FRMD4A: variants seen among roughly 807,000 people sequenced by gnomAD.
FRMD4A encodes FERM domain-containing protein 4A.
Under a neutral mutation model 129.1 loss-of-function variants are expected in FRMD4A, and 29 were observed. The ratio of observed to expected loss-of-function variants is 0.22; its 90% CI spans 0.17 to 0.31. The LOEUF is 0.31. Among genes scored for constraint, FRMD4A ranks in the 10% least tolerant of loss-of-function variants. FRMD4A has a pLI of 1.00. For synonymous variants in FRMD4A, 634 were observed against 571.6 expected (o/e 1.11, Z -1.56); for missense variants, 1,272 against 1,375.8 (o/e 0.92, Z 1.19).
chr10:14,064,401 A>G (rs1453739697), intron 2 of FRMD4A, among the ~76,000 whole-genome samples: 2 of 152,162 alleles, frequency 1.3e-5, no homozygotes, highest in African/African-American at 4.8e-5. Context: ...TGTGAAAACT[A>G]CCATCAAATT....
At position 14,227,899 on chromosome 10, in the gene FRMD4A, G is replaced by T. The variant is rs549389020; in HGVS notation, c.45+102159C>A. Among the ~76,000 whole-genome samples, 7 of 151,886 alleles carry T rather than the reference G, an allele frequency of 4.6e-5. No individual in the cohort carries two copies. In the East Asian group the frequency reaches 9.7e-4, roughly 21 times the overall value. The stretch of plus-strand genomic sequence containing the variant: ...CCAGAATTTTTTTTTTCTTTTAACG[G>T]AGTCTTGCTCTGTCACCAGGCTGGA... On this transcript the variant is annotated intron_variant, in intron 2 of 24. Coordinates refer to ENST00000357447, the MANE Select transcript of FRMD4A (RefSeq NM_018027.5).
chr10:13,928,124 A>T (rs955116577), intron 2 of FRMD4A, among the ~76,000 whole-genome samples: 2 of 150,776 alleles, frequency 1.3e-5, no homozygotes, highest in African/African-American at 4.9e-5. Context: ...AGGCTCAAGC[A>T]ATCCTCCTAC....
chr10:13,951,145 C>T (rs1377178554), intron 2 of FRMD4A, among the ~76,000 whole-genome samples: 1 of 152,116 alleles, frequency 6.6e-6, no homozygotes, highest in African/African-American at 2.4e-5. Context: ...GCTACAGAAA[C>T]ATTGAGGCAG....
At position 13,990,172 on chromosome 10, in the gene FRMD4A, G is replaced by C. The variant is rs1430124640; in HGVS notation, c.46-131260C>G. On this transcript the variant is annotated intron_variant, in intron 2 of 24. Transcript: ENST00000357447. ...TTAGGAATAAGAGCCAACCTCAAAGGGCTGCTCTGAGGATCAGAGGAGAAA... is the reference window on the plus strand; with the variant it reads ...TTAGGAATAAGAGCCAACCTCAAAGCGCTGCTCTGAGGATCAGAGGAGAAA... Among the ~76,000 whole-genome samples, 9 of 152,290 alleles carry C rather than the reference G, an allele frequency of 5.9e-5. No individual in the cohort carries two copies. In the South Asian group the frequency reaches 6.2e-4, roughly 11 times the overall value.
intron 3 of FRMD4A, 120 bp from the exon 4 acceptor site, chr10:13,811,028 G>T: frequency 1.7e-6 from 1 of 576,112 alleles, no homozygotes. Context: ...GTATTTTGAA[G>T]CAAATGATTT....
chr10:14,170,947 C>T (rs1265934214), intron 2 of FRMD4A, among the ~76,000 whole-genome samples: 1 of 152,032 alleles, frequency 6.6e-6, no homozygotes, highest in African/African-American at 2.4e-5. Flanking sequence ...TTTCATGTGG[C>T]CTTACCAAAG....
chr10:13,752,144 C>T (rs1027168950), intron 8 of FRMD4A, among the ~76,000 whole-genome samples: 8 of 152,192 alleles, frequency 5.3e-5, no homozygotes, highest in African/African-American at 9.7e-5. Flanking sequence ...AAAAACTCTC[C>T]GGCAGTTATT....
intron 12 of FRMD4A, chr10:13,712,112 C>T (rs958326476): frequency 5.9e-5 from 9 of 152,264 alleles, no homozygotes; most frequent in African/African-American, 2.2e-4. Context: ...TTCCTTCTAT[C>T]CTTGGAGTCC....
intron 2 of FRMD4A, among the ~76,000 whole-genome samples, chr10:14,212,094 C>G (rs955455429): frequency 6.6e-6 from 1 of 152,120 alleles, no homozygotes; most frequent in African/African-American, 2.4e-5. Context: ...CCCAGGGTAG[C>G]TCCAAATTGC....
chr10:13,901,121 G>C (rs1490879014), intron 2 of FRMD4A, among the ~76,000 whole-genome samples: 5 of 152,330 alleles, frequency 3.3e-5, no homozygotes, highest in Admixed American at 6.5e-5. Context: ...GCCACTGCCA[G>C]TTACCAAACT....
intron 2 of FRMD4A, among the ~76,000 whole-genome samples, chr10:13,978,898 A>G (rs1360279107): frequency 1.3e-5 from 2 of 152,300 alleles, no homozygotes; most frequent in African/African-American, 4.8e-5. Flanking sequence ...TATGCTTAGA[A>G]ATATTCCCCT....
chr10:14,008,812 G>T (rs889507104), intron 2 of FRMD4A, among the ~76,000 whole-genome samples: 1 of 152,056 alleles, frequency 6.6e-6, no homozygotes, highest in African/African-American at 2.4e-5. Flanking sequence ...TCAGACATGC[G>T]TATCTGTTTA....
At chr10:14,134,739 G>C (rs888986815) in intron 2 of FRMD4A, among the ~76,000 whole-genome samples, 2 of 152,134 alleles carry the variant, frequency 1.3e-5, no homozygotes, top group African/African-American at 4.8e-5. Flanking sequence ...AAGTGGATGG[G>C]TGAGTGGATG....
intron 2 of FRMD4A, among the ~76,000 whole-genome samples, chr10:14,046,913 G>C (rs1381242857): frequency 6.6e-6 from 1 of 152,038 alleles, no homozygotes; most frequent in African/African-American, 2.4e-5. Flanking sequence ...GTCCCTCCTA[G>C]GGCTGGTCGC....
At chr10:13,676,194 C>G (rs370946460) in intron 15 of FRMD4A, among the ~76,000 whole-genome samples, 4 of 152,156 alleles carry the variant, frequency 2.6e-5, no homozygotes, top group African/African-American at 9.6e-5. Flanking sequence ...TGTACTTTTT[C>G]TACCTTGATG....
At chr10:13,700,294 C>A (rs978210673) in intron 14 of FRMD4A, among the ~76,000 whole-genome samples, 2 of 151,180 alleles carry the variant, frequency 1.3e-5, no homozygotes, top group South Asian at 4.2e-4. Flanking sequence ...ACCCCCAATT[C>A]GCTCACTCTC....
chr10:14,084,391 C>T (rs995238654), intron 2 of FRMD4A, among the ~76,000 whole-genome samples: 7 of 152,230 alleles, frequency 4.6e-5, no homozygotes, highest in Non-Finnish European at 7.3e-5. Flanking sequence ...AAGTGATCCG[C>T]CTGCCTTGGC....
At chr10:14,191,068 G>C (rs1842302410) in intron 2 of FRMD4A, among the ~76,000 whole-genome samples, 1 of 152,150 alleles carries the variant, frequency 6.6e-6, no homozygotes, top group Non-Finnish European at 1.5e-5. Context: ...GAGTTTTAGT[G>C]TCGCAGTGAG....
chr10:14,154,541 C>T (rs1036859356), intron 2 of FRMD4A, among the ~76,000 whole-genome samples: 2 of 152,150 alleles, frequency 1.3e-5, no homozygotes, highest in Admixed American at 6.5e-5. Flanking sequence ...AATACAATCT[C>T]CTCATGCTGA....
Sources: allele counts gnomAD v4.1 joint callset (sites outside exome capture counted in the v4.1 genomes callset), GRCh38; gene constraint gnomAD v4.1.1; transcripts MANE v1.5; gene names NCBI Gene and HGNC (gene_info 2026-07-23, HGNC 2026-07-21).